The following ZNF283 variants were observed in gnomAD, a reference collection of about 807,000 sequenced individuals.
ZNF283 encodes zinc finger protein 283.
ZNF283 carries 10 observed loss-of-function variants against 9.2 expected under a neutral mutation model. The ratio of observed to expected loss-of-function variants is 1.09; its 90% CI spans 0.67 to 1.85. The LOEUF (loss-of-function observed/expected upper bound fraction) is 1.85. ZNF283 is among the 40% of genes most tolerant of loss of function. The pLI, the probability that ZNF283 is intolerant of heterozygous loss-of-function variation, is 0.00. For synonymous variants in ZNF283, 234 were observed against 244.1 expected, an observed-to-expected ratio of 0.96 and a Z score of 0.38; for missense variants, 631 against 760.1, an observed-to-expected ratio of 0.83 and a Z score of 2.00.
chr19:43,843,983 C>T (rs1971313481), intron 6 of ZNF283, among the ~76,000 whole-genome samples: 1 of 152,074 alleles, frequency 6.6e-6, no homozygotes, highest in South Asian at 2.1e-4. Context: ...ATATTTCAAC[C>T]TAAATAACAT....
chr19:43,828,454 C>G (rs554050176), intron 2 of ZNF283, among the ~76,000 whole-genome samples, 173 bp downstream of exon 2: 3 of 152,136 alleles, frequency 2.0e-5, no homozygotes, highest in East Asian at 3.8e-4. Context: ...TTGTTCTTCT[C>G]CACAATTCTT....
At chr19:43,834,901 T>G (rs1332500782) in intron 4 of ZNF283, among the ~76,000 whole-genome samples, 2 of 152,180 alleles carry the variant, frequency 1.3e-5, no homozygotes, top group Admixed American at 1.3e-4. Flanking sequence ...GCCTGTTTCT[T>G]TCTTGAGATG....
intron 5 of ZNF283, among the ~76,000 whole-genome samples, chr19:43,836,383 C>A (rs1433816987): frequency 6.6e-6 from 1 of 152,044 alleles, no homozygotes. Context: ...GCTCTGTCAC[C>A]CAGGCTGGAG....
chr19:43,830,819 G>GGTTCCC (rs1378264543), intron 2 of ZNF283, among the ~76,000 whole-genome samples: 1 of 146,648 alleles, frequency 6.8e-6, no homozygotes, highest in East Asian at 2.0e-4. Flanking sequence ...AGGAGAATTG[G>GGTTCCC]TTGAACCTGG....
intron 3 of ZNF283, 122 bp from the exon 4 acceptor site, chr19:43,833,383 C>G (rs2098352854): frequency 5.9e-6 from 1 of 168,764 alleles, no homozygotes; most frequent in African/African-American, 2.4e-5. Flanking sequence ...AAACCTTTTG[C>G]TTACTATTAC....
chr19:43,837,320 G>C (rs1026843685), intron 6 of ZNF283, 141 bp downstream of exon 6: 1 of 835,084 alleles, frequency 1.2e-6, no homozygotes. Flanking sequence ...ATACTTGCTG[G>C]GTTAGAAATG....
Position 43,848,928 on chromosome 19 carries a change from T to C in ZNF283, c.*287T>C, listed in dbSNP as rs2217669. On this transcript the variant is annotated 3_prime_UTR_variant, in exon 7 of 7. Coordinates refer to ENST00000618787, the MANE Select transcript of ZNF283 (RefSeq NM_181845.2). Reference sequence around the variant, plus strand: ...TGTGTGAAGATCTTCATTCATGACATAAGGTCTGATTAACATCAAATAATT... The same window carrying C: ...TGTGTGAAGATCTTCATTCATGACACAAGGTCTGATTAACATCAAATAATT... 91,951 of 230,026 alleles carry C rather than the reference T, an allele frequency of 0.4. 18,625 individuals carry two copies. Among genetic ancestry groups the C allele is most frequent in the South Asian group, 0.54 (3,535 of 6,522 alleles). 14.2% of individuals were successfully genotyped at this position (230,026 alleles called of 1,614,324 possible). A position where few individuals can be genotyped will look rare whatever the true frequency, so the allele number is the denominator to read the frequency against.
chr19:43,832,898 C>T (rs1326544341), intron 3 of ZNF283, among the ~76,000 whole-genome samples: 1 of 151,822 alleles, frequency 6.6e-6, no homozygotes, highest in East Asian at 1.9e-4. Context: ...GTGGCGTGCA[C>T]CTGTGGTTCT....
chr19:43,848,619 T>C lies in ZNF283; in HGVS notation c.2018T>C (p.Ile673Thr). 1.3e-6 allele frequency: 2 copies of C among 1,566,940 alleles called. No homozygotes were observed. The highest frequency in any genetic ancestry group is 1.2e-5 in the South Asian group (1 of 82,788). ...FLWTTYSNEK[I>T]DTDETL ...TGGACAACTTACTCAAATGAGAAAA[T>C]TGATACTGATGAAACCTTATGATTG... The change falls in exon 7 of 7, where the codon ATT (isoleucine) becomes ACT (threonine). Residue 673 changes from isoleucine (I) to threonine (T), a missense_variant. Physicochemically the swap from Ile to Thr is moderately conservative, Grantham distance 89. Around this residue, in one of 3 missense-constraint regions of ZNF283, gnomAD observed 444 missense variants for 522.5 expected, o/e 0.85. Coordinates refer to ENST00000618787, the MANE Select transcript of ZNF283 (RefSeq NM_181845.2).
At chr19:43,835,236 GAGGT>G (rs147156721) in intron 4 of ZNF283, among the ~76,000 whole-genome samples, 278 of 152,266 alleles carry the variant, frequency 1.8e-3, no homozygotes, top group African/African-American at 6.4e-3. Context: ...GTATTCCTGA[GAGGT>G]AGGAATGGAA....
chr19:43,847,053 C>A lies in ZNF283; in HGVS notation c.452C>A (p.Ala151Glu). 1 of 1,612,370 alleles carries A rather than the reference C, an allele frequency of 6.2e-7. No homozygotes were observed. The highest frequency in any genetic ancestry group is 8.5e-7 in the Non-Finnish European group (1 of 1,179,096). The change falls in exon 7 of 7, where the codon GCA becomes GAA. Residue 151 changes from alanine (A) to glutamate (E), a missense_variant. By Grantham distance (107) the Ala-to-Glu change is moderately radical. Transcript: ENST00000618787. ...KDKSKTLGLE[A>E]SIFRNNWKCK... is the part of the protein sequence containing the mutation. The stretch of plus-strand genomic sequence containing the variant: ...AAAAGTAAAACCCTTGGCCTTGAGG[C>A]ATCCATCTTCAGAAATAATTGGAAG...
Position 43,850,845 on chromosome 19 carries a change from A to G in ZNF283, c.*2204A>G, listed in dbSNP as rs139791867. ...ATCAAGGCAGGTTAGTTATGAAGAA[A>G]TAGAGTGTGTGTTTATATACTCACA... is the stretch of plus-strand genomic sequence containing the variant. On this transcript the variant is annotated 3_prime_UTR_variant, in exon 7 of 7. Coordinates refer to ENST00000618787, the MANE Select transcript of ZNF283 (RefSeq NM_181845.2). The G allele has an allele frequency of 3.8e-4, 58 of 152,352 alleles. No individual in the cohort carries two copies. In the East Asian group the frequency reaches 6.5e-3, roughly 17 times the overall value. The allele number at this position is 152,352 out of a possible 1,614,324, so 9.4% of individuals were successfully genotyped here.
rs779324028 is a variant in ZNF283 at position 43,846,964 on chromosome 19, CA to C, written c.370del (p.Ile124TyrfsTer10). The C allele has an allele frequency of 1.2e-5, 19 of 1,575,838 alleles. No homozygotes were observed. The highest frequency in any genetic ancestry group is 6.8e-5 in the East Asian group (3 of 44,072). On this transcript the variant is annotated frameshift_variant, in exon 7 of 7. Coordinates refer to ENST00000618787, the MANE Select transcript of ZNF283 (RefSeq NM_181845.2). LOFTEE classifies it low-confidence loss of function (END_TRUNC). The stretch of plus-strand genomic sequence containing the variant: ...ATTTGGAGTCAAAAACGTATGAGAC[CA>C]AAAAAATATTTTCAGAAAATGATAT... Reference protein sequence around the residue: ...LDLESKTYETKKIFSENDIFE... With the variant: ...LDLESKTYETXKIFSENDIFE...
At chr19:43,841,093 C>A (rs1971192853) in intron 6 of ZNF283, 1 of 152,062 alleles carries the variant, frequency 6.6e-6, no homozygotes, top group Non-Finnish European at 1.5e-5. Flanking sequence ...TGACATCACT[C>A]CTACATATTC....
At chr19:43,844,411 A>G (rs548701556) in intron 6 of ZNF283, among the ~76,000 whole-genome samples, 1 of 152,306 alleles carries the variant, frequency 6.6e-6, no homozygotes, top group East Asian at 1.9e-4. Flanking sequence ...TAGAAATTAA[A>G]ATTCGCTAAA....
At chr19:43,846,523 A>T (rs934088159) in intron 6 of ZNF283, among the ~76,000 whole-genome samples, 4 of 152,168 alleles carry the variant, frequency 2.6e-5, no homozygotes, top group African/African-American at 4.8e-5. Flanking sequence ...ATAAAATGGC[A>T]GAGTTGCGAC....
At chr19:43,837,541 A>G (rs1447012250) in intron 6 of ZNF283, 1 of 337,746 alleles carries the variant, frequency 3.0e-6, no homozygotes, top group Non-Finnish European at 5.3e-6. Context: ...TGTGCTGAGC[A>G]CTGTCAATTG....
intron 6 of ZNF283, among the ~76,000 whole-genome samples, chr19:43,841,756 A>G (rs902412508): frequency 3.3e-5 from 5 of 152,096 alleles, no homozygotes; most frequent in Admixed American, 2.0e-4. Flanking sequence ...TTTTTGAAGG[A>G]TATTTTTACC....
chr19:43,837,420 G>T, intron 6 of ZNF283: 1 of 419,496 alleles, frequency 2.4e-6, no homozygotes, highest in South Asian at 9.5e-5. Flanking sequence ...TCCTTTAATG[G>T]CCAAGGGGCT....
Sources: gnomAD v4.1 joint callset for allele counts (sites outside exome capture counted in the v4.1 genomes callset) on GRCh38, gnomAD v4.1.1 for gene constraint, gnomAD v4.1.1 regional missense constraint, MANE v1.5 for transcripts, NCBI Gene and HGNC (gene_info 2026-07-23, HGNC 2026-07-21) for gene names.